Variants in PCF11 observed in about 807,000 individuals in gnomAD.
PCF11 encodes the protein PCF11 cleavage and polyadenylation factor subunit.
In PCF11, 19 loss-of-function variants were observed where a neutral mutation model predicts 166.1. The ratio of observed to expected loss-of-function variants is 0.11; its 90% CI spans 0.08 to 0.17. The LOEUF is 0.17. Among genes scored for constraint, PCF11 ranks in the 10% least tolerant of loss-of-function variants. The pLI is 1.00. For missense variants in PCF11, 1,565 were observed against 1,855.5 expected, an observed-to-expected ratio of 0.84 and a Z score of 2.88; for synonymous variants, 663 against 644.1, an observed-to-expected ratio of 1.03 and a Z score of -0.44.
intron 13 of PCF11, 48 bp from the exon 14 acceptor site, chr11:83,182,351 T>G: frequency 1.0e-6 from 1 of 967,538 alleles, no homozygotes; most frequent in Non-Finnish European, 1.6e-6. Context: ...TTAATGGGGT[T>G]AAATATGGTC....
intron 2 of PCF11, among the ~76,000 whole-genome samples, chr11:83,163,272 T>C (rs1187070380): frequency 1.3e-5 from 2 of 152,236 alleles, no homozygotes; most frequent in African/African-American, 2.4e-5. Flanking sequence ...TAATTTTAAC[T>C]TTGTACTACT....
chr11:83,162,464 A>G (rs12789673), intron 2 of PCF11, among the ~76,000 whole-genome samples: 15,750 of 152,300 alleles, frequency 0.1, 1,093 homozygotes, highest in South Asian at 0.17. Flanking sequence ...TAGCATTAAA[A>G]TGCTTGTTAA....
chr11:83,177,295 G>C (rs185097637), intron 10 of PCF11, 91 bp downstream of exon 10: 1 of 978,674 alleles, frequency 1.0e-6, no homozygotes, highest in African/African-American at 1.7e-5. Context: ...TATGATAAAG[G>C]TCCTTACAAT....
intron 11 of PCF11, among the ~76,000 whole-genome samples, chr11:83,178,553 T>G (rs186623440): frequency 8.5e-5 from 13 of 152,080 alleles, no homozygotes; most frequent in African/African-American, 2.9e-4. Context: ...CCCAGCACTT[T>G]GTAAGGCCGA....
chr11:83,186,365 T>C (rs1226567246), exon 16 of PCF11: 3 of 152,240 alleles, frequency 2.0e-5, no homozygotes, highest in African/African-American at 7.2e-5. Context: ...TGACTTCTTA[T>C]GGTTAAAACT....
At chr11:83,159,155 C>A (rs575061638) in intron 1 of PCF11, among the ~76,000 whole-genome samples, 14 of 152,124 alleles carry the variant, frequency 9.2e-5, no homozygotes, top group African/African-American at 1.4e-4. Flanking sequence ...AGCTAAGATA[C>A]AAGTTTTCGT....
Position 83,167,633 on chromosome 11 carries a change from G to C in PCF11, c.2092+128G>C. 6.5e-7 allele frequency: 1 copy of C among 1,533,902 alleles called. No individual in the cohort carries two copies. The highest frequency in any genetic ancestry group is 8.7e-7 in the Non-Finnish European group (1 of 1,143,502). On this transcript the variant is annotated intron_variant, in intron 7 of 15. Coordinates refer to ENST00000298281, the Ensembl canonical transcript of PCF11. The surrounding 1 kb of genome is among the most constrained non-coding windows in gnomAD (Gnocchi z 4.2). Reference sequence around the variant, plus strand: ...ATAAAGCAAAACTGAAAAGGACACAGGTTCAGCATTCATTTCCAAGACTTG... The same window carrying C: ...ATAAAGCAAAACTGAAAAGGACACACGTTCAGCATTCATTTCCAAGACTTG...
chr11:83,178,056 C>T (rs1860948753), intron 11 of PCF11, among the ~76,000 whole-genome samples: 1 of 151,874 alleles, frequency 6.6e-6, no homozygotes, highest in Admixed American at 6.6e-5. Context: ...GGCCAAAGGC[C>T]ACCCCCAAAA....
rs1485185842 is a variant in PCF11 at position 83,157,663 on chromosome 11, T to C, written c.192+32T>C. ...ATACACCCCGCAGCCTCCTATTACT[T>C]CTAATACTCCCTGATTTTAGTGTCA... On this transcript the variant is annotated intron_variant, in intron 1 of 15. Transcript: ENST00000298281. The C allele has an allele frequency of 2.5e-6, 4 of 1,580,734 alleles. No individual in the cohort carries two copies. In the African/African-American group the frequency reaches 5.4e-5, roughly 21 times the overall value.
intron 1 of PCF11, among the ~76,000 whole-genome samples, chr11:83,160,735 C>G (rs1157234440): frequency 6.6e-6 from 1 of 152,128 alleles, no homozygotes; most frequent in African/African-American, 2.4e-5. Flanking sequence ...GTCTGAGTAA[C>G]AAACTTGCAA....
intron 1 of PCF11, among the ~76,000 whole-genome samples, chr11:83,159,751 GT>G (rs889501551): frequency 3.3e-5 from 5 of 152,180 alleles, no homozygotes; most frequent in African/African-American, 4.8e-5. Flanking sequence ...CTGGTTTTGT[GT>G]TTTGGAGGTG....
chr11:83,173,222 C>T (rs575324038), intron 9 of PCF11, among the ~76,000 whole-genome samples: 85 of 152,168 alleles, frequency 5.6e-4, no homozygotes, highest in African/African-American at 1.6e-3. Context: ...TCTGGGAGGA[C>T]GAGGCAGGTG....
exon 8 of PCF11, chr11:83,168,688 A>C (rs180688936): frequency 2.1e-5 from 34 of 1,613,922 alleles, no homozygotes; most frequent in Non-Finnish European, 2.9e-5. Context: ...TGGACCTCCC[A>C]CACCAGCTTC....
exon 5 of PCF11, chr11:83,166,201 TGAA>T (rs1408555960): frequency 6.2e-7 from 1 of 1,612,436 alleles, no homozygotes; most frequent in Non-Finnish European, 8.5e-7. Context: ...GATGAGCACA[TGAA>T]GTCATCCGAA....
At chr11:83,172,514 C>T (rs1565158176) in intron 9 of PCF11, among the ~76,000 whole-genome samples, 1 of 152,222 alleles carries the variant, frequency 6.6e-6, no homozygotes, top group Non-Finnish European at 1.5e-5. Flanking sequence ...CCTCTGCCTC[C>T]GGGGTTCAAG....
In PCF11 at chr11:83,167,915, C is replaced by G; in HGVS notation, c.2092+410C>G. 7.8e-7 allele frequency: 1 copy of G among 1,286,030 alleles called. No homozygotes were observed. The highest frequency in any genetic ancestry group is 1.0e-6 in the Non-Finnish European group (1 of 988,796). 79.7% of individuals were successfully genotyped at this position (1,286,030 alleles called of 1,614,324 possible). A position where few individuals can be genotyped will look rare whatever the true frequency, so the allele number is the denominator to read the frequency against. ...CTGCTAAAGGTAGAAAAAGTTAAAT[C>G]AGATTATGCCTATTGAATCACACAG... On this transcript the variant is annotated intron_variant, in intron 7 of 15. Coordinates refer to ENST00000298281, the Ensembl canonical transcript of PCF11. This position sits in a 1 kb window ranked among gnomAD's most constrained non-coding sequence, Gnocchi z 4.2.
chr11:83,185,125 G>A (rs942167569), exon 16 of PCF11: 14 of 384,510 alleles, frequency 3.6e-5, no homozygotes, highest in African/African-American at 1.9e-4. Context: ...CAAATTTAAC[G>A]AAATGAAATT....
At chr11:83,178,636 A>AC (rs1860969130) in intron 11 of PCF11, among the ~76,000 whole-genome samples, 1 of 151,506 alleles carries the variant, frequency 6.6e-6, no homozygotes, top group South Asian at 2.1e-4. Context: ...ACATGGTGAA[A>AC]CCCCGTCTCT....
At chr11:83,171,249 C>T (rs1409416713) in intron 8 of PCF11, 2 of 450,174 alleles carry the variant, frequency 4.4e-6, no homozygotes, top group Admixed American at 4.9e-5. Context: ...TGTAATGTGG[C>T]TATAACCATG....
Sources: gnomAD v4.1 joint callset for allele counts (sites outside exome capture counted in the v4.1 genomes callset) on GRCh38, gnomAD v4.1.1 for gene constraint, Gnocchi (gnomAD v3.1) non-coding constraint, MANE v1.5 for transcripts, NCBI Gene and HGNC (gene_info 2026-07-23, HGNC 2026-07-21) for gene names.